ABCC4: variants seen among roughly 807,000 people sequenced by gnomAD.
ABCC4 encodes ATP binding cassette subfamily C member 4 (PEL blood group).
A neutral mutation model predicts 168.5 loss-of-function variants in ABCC4; 102 were observed. The observed-to-expected ratio is 0.61, with a 90% confidence interval of 0.52 to 0.71. The LOEUF (loss-of-function observed/expected upper bound fraction) is 0.71, where lower values mean the gene tolerates loss of function less well. Among genes scored for constraint, ABCC4 ranks in the 30% least tolerant of loss-of-function variants. The pLI, the probability that ABCC4 is intolerant of heterozygous loss-of-function variation, is 0.00. For missense variants in ABCC4, 1,402 were observed against 1,605.8 expected (o/e 0.87, Z 2.17); for synonymous variants, 617 against 590.7 (o/e 1.04, Z -0.65).
At position 95,205,861 on chromosome 13, in the gene ABCC4, G is replaced by A. The variant is rs78891491; in HGVS notation, c.1161+671C>T. On this transcript the variant is annotated intron_variant, in intron 8 of 30. Coordinates refer to ENST00000645237, the MANE Select transcript of ABCC4 (RefSeq NM_005845.5). Reference sequence around the variant, plus strand: ...TCCTCCACGATGGGAGGACACAGAGGTCCATCTGGGAAGCAGAGAGTGGTC... The same window carrying A: ...TCCTCCACGATGGGAGGACACAGAGATCCATCTGGGAAGCAGAGAGTGGTC... Among the ~76,000 whole-genome samples the A allele has an allele frequency of 1.2e-3, 182 of 152,318 alleles. 9 individuals carry two copies. The East Asian group carries it at 0.034, about 28-fold the overall frequency.
chr13:95,271,897 G>A (rs1265842418), intron 1 of ABCC4, among the ~76,000 whole-genome samples: 1 of 152,100 alleles, frequency 6.6e-6, no homozygotes, highest in Non-Finnish European at 1.5e-5. Flanking sequence ...CTGATCACAT[G>A]CCTCTCCCCA....
At chr13:95,115,610 A>G (rs2035348426) in intron 20 of ABCC4, among the ~76,000 whole-genome samples, 1 of 152,106 alleles carries the variant, frequency 6.6e-6, no homozygotes, top group Admixed American at 6.5e-5. Flanking sequence ...CTGTATTATG[A>G]AATGTGTTCA....
intron 19 of ABCC4, among the ~76,000 whole-genome samples, chr13:95,155,121 A>G (rs2036812983): frequency 6.6e-6 from 1 of 152,154 alleles, no homozygotes; most frequent in South Asian, 2.1e-4. Context: ...GAAACAGAAC[A>G]ATAGTTCAAA....
intron 30 of ABCC4, among the ~76,000 whole-genome samples, chr13:95,029,808 T>C (rs959943920): frequency 6.6e-6 from 1 of 152,222 alleles, no homozygotes; most frequent in Non-Finnish European, 1.5e-5. Flanking sequence ...TCTCATTTAA[T>C]ACATGTTAAC....
chr13:95,227,125 T>C (rs989593638), intron 4 of ABCC4, among the ~76,000 whole-genome samples: 3 of 152,170 alleles, frequency 2.0e-5, no homozygotes, highest in Non-Finnish European at 4.4e-5. Flanking sequence ...CACACCCCAG[T>C]GAAGCAAATA....
At chr13:95,257,225 A>T (rs943049312) in intron 1 of ABCC4, among the ~76,000 whole-genome samples, 5 of 152,244 alleles carry the variant, frequency 3.3e-5, no homozygotes, top group Admixed American at 6.5e-5. Flanking sequence ...CCATTAAGAC[A>T]ATCATTGTGG....
At chr13:95,027,734 C>T (rs1366079740) in intron 30 of ABCC4, among the ~76,000 whole-genome samples, 1 of 151,754 alleles carries the variant, frequency 6.6e-6, no homozygotes, top group African/African-American at 2.4e-5. Context: ...GGAACACATG[C>T]AAAACAATAT....
Position 95,071,700 on chromosome 13 carries a change from G to A in ABCC4, c.3172C>T (p.Leu1058=). The A allele has an allele frequency of 6.5e-7, 1 of 1,541,992 alleles. No homozygotes were observed. The change falls in exon 25 of 31, where the codon CTG becomes TTG. Residue 1058 remains leucine (L), a synonymous_variant. Coordinates refer to ENST00000645237, the MANE Select transcript of ABCC4 (RefSeq NM_005845.5). ...TTAATGAGTGCTGTCAGATGCTTCA[G>A]TACCAGAGGCCCACCTGGACTGTAC... ...FMYSPGGPLV[L]KHLTALIKSQ...
At chr13:95,170,663 A>C (rs775519231) in intron 13 of ABCC4, 35 bp from the exon 14 acceptor site, 3 of 1,291,032 alleles carry the variant, frequency 2.3e-6, no homozygotes, top group Non-Finnish European at 3.3e-6. Flanking sequence ...GAAAAAATGC[A>C]TGAATGGGGT....
rs55957658 is a variant in ABCC4, at chr13:95,095,286, T to TTATCTATCTATC, written c.2536-12008_2536-11997dup. Among the ~76,000 whole-genome samples, 957 of 146,406 alleles carry TTATCTATCTATC rather than the reference T, an allele frequency of 6.5e-3. 2 individuals are homozygous for TTATCTATCTATC. The highest frequency in any genetic ancestry group is 8.4e-3 in the East Asian group (41 of 4,888). ...ATGAGTGGATAAAGAAACTGTGAGATTATCTATCTATCTATCTATCTATCT... is the reference window on the plus strand; with the variant it reads ...ATGAGTGGATAAAGAAACTGTGAGATTATCTATCTATCTATCTATCTATCTATCTATCTATCT... On this transcript the variant is annotated intron_variant, in intron 20 of 30. Coordinates refer to ENST00000645237, the MANE Select transcript of ABCC4 (RefSeq NM_005845.5).
chr13:95,166,309 C>G lies in ABCC4; in HGVS notation c.1883G>C (p.Gly628Ala). 1.9e-6 allele frequency: 3 copies of G among 1,613,868 alleles called. No homozygotes were observed. Among genetic ancestry groups the G allele is most frequent in the South Asian group, 2.2e-5 (2 of 91,066 alleles). ...CTCATTATCCTTCTTTAAAAGGGAG[C>G]CAAAATCTATACCAGATTTTAGGAA... ...TEFLKSGIDF[G>A]SLLKKDNEES... Residue 628 changes from glycine to alanine, a missense_variant, in exon 15 of 31, where the codon GGC (glycine) becomes GCC (alanine). Gly to Ala is a moderately conservative substitution (Grantham distance 60). Around this residue, in one of 3 missense-constraint regions of ABCC4, gnomAD observed 1,007 missense variants for 1,127.3 expected, o/e 0.89. Coordinates refer to ENST00000645237, the MANE Select transcript of ABCC4 (RefSeq NM_005845.5).
intron 1 of ABCC4, among the ~76,000 whole-genome samples, chr13:95,279,801 G>C (rs79828993): frequency 6.6e-6 from 1 of 152,262 alleles, no homozygotes; most frequent in Non-Finnish European, 1.5e-5. Context: ...AGGGGATGGG[G>C]AAGTGGGGTT....
intron 20 of ABCC4, among the ~76,000 whole-genome samples, chr13:95,111,167 A>G (rs2035191947): frequency 6.6e-6 from 1 of 152,210 alleles, no homozygotes; most frequent in African/African-American, 2.4e-5. Flanking sequence ...TTGTATTTCA[A>G]TTCTTTATGA....
chr13:95,138,576 CACT>C (rs571123908), intron 19 of ABCC4, among the ~76,000 whole-genome samples: 2 of 152,218 alleles, frequency 1.3e-5, no homozygotes, highest in South Asian at 4.2e-4. Context: ...GGAATCTCAG[CACT>C]TTATGAGGCC....
Position 95,147,312 on chromosome 13 carries a change from T to C in ABCC4, c.2455+13877A>G, listed in dbSNP as rs575569326. On this transcript the variant is annotated intron_variant, in intron 19 of 30. Coordinates refer to ENST00000645237, the MANE Select transcript of ABCC4 (RefSeq NM_005845.5). ...GGTAATAGTGCAGTAACAGGAGTTA[T>C]CTATGTTTGGCTTATAATTCCTTTA... 2.4e-4 allele frequency among the ~76,000 whole-genome samples: 36 copies of C among 152,358 alleles called. No homozygotes were observed. In the South Asian group the frequency reaches 7.5e-3, roughly 32 times the overall value.
At chr13:95,212,046 G>A (rs2038973073) in intron 4 of ABCC4, among the ~76,000 whole-genome samples, 1 of 151,580 alleles carries the variant, frequency 6.6e-6, no homozygotes, top group South Asian at 2.1e-4. Flanking sequence ...GTGTGGTGGT[G>A]TGCACCTGTA....
Position 95,024,205 on chromosome 13 carries a change from T to TCAAAA in ABCC4, c.3871-2528_3871-2524dup, listed in dbSNP as rs1426373496. ...CTGGGTGACAGAGTGAGAGACTGTC[T>TCAAAA]CAAAAAAAAAAAAAAAAAAAAAAGT... On this transcript the variant is annotated intron_variant, in intron 30 of 30. Transcript: ENST00000645237. 1.8e-3 allele frequency among the ~76,000 whole-genome samples: 79 copies of TCAAAA among 44,530 alleles called. 3 individuals carry two copies. The highest frequency in any genetic ancestry group is 8.6e-3 in the Admixed American group (29 of 3,376). 29.2% of individuals were successfully genotyped at this position (44,530 alleles called of 152,430 possible).
At chr13:95,162,753 A>G (rs1472578488) in intron 18 of ABCC4, among the ~76,000 whole-genome samples, 2 of 152,188 alleles carry the variant, frequency 1.3e-5, no homozygotes, top group African/African-American at 2.4e-5. Context: ...CAGAATTGGA[A>G]CCATCCGAAC....
At chr13:95,191,794 T>G (rs185186699) in intron 9 of ABCC4, among the ~76,000 whole-genome samples, 13 of 152,240 alleles carry the variant, frequency 8.5e-5, no homozygotes, top group Non-Finnish European at 4.4e-5. Context: ...TACTTCTGAT[T>G]TTACTTCTTT....
Sources: allele counts gnomAD v4.1 joint callset (sites outside exome capture counted in the v4.1 genomes callset), GRCh38; gene constraint gnomAD v4.1.1; regional missense constraint gnomAD v4.1.1; transcripts MANE v1.5; gene names NCBI Gene and HGNC (gene_info 2026-07-23, HGNC 2026-07-21).